The following AFG1L variants were observed in gnomAD, a reference collection of about 807,000 sequenced individuals.
The protein encoded by AFG1L is AFG1 like ATPase, also known as AFG1-like ATPase.
Under a neutral mutation model 62.2 loss-of-function variants are expected in AFG1L, and 53 were observed. That is an observed-to-expected ratio of 0.85 (90% confidence interval 0.68 to 1.07). AFG1L has a LOEUF of 1.07. Ranked by LOEUF, AFG1L falls within the 50% of genes least tolerant of loss-of-function variation. The probability of loss-of-function intolerance (pLI) is 0.00; values close to 1 mark genes in which losing one functional copy is unlikely to be tolerated. For synonymous variants in AFG1L, 228 were observed against 210.3 expected (o/e 1.08, Z -0.73); for missense variants, 555 against 590.5 (o/e 0.94, Z 0.62).
At chr6:108,424,203 T>C (rs778610290) in intron 7 of AFG1L, among the ~76,000 whole-genome samples, 13 of 152,102 alleles carry the variant, frequency 8.5e-5, no homozygotes, top group Non-Finnish European at 1.8e-4. Context: ...CTTAAACCTG[T>C]GTGAGCTCAT....
chr6:108,384,354 G>C, intron 6 of AFG1L, among the ~76,000 whole-genome samples: 1 of 152,162 alleles, frequency 6.6e-6, no homozygotes, highest in East Asian at 1.9e-4. Context: ...ATCTCAGACT[G>C]ACTTCTGAAC....
chr6:108,432,643 C>T lies in AFG1L; in HGVS notation c.808-14571C>T, dbSNP rs115838405. ...AGTTGTCTACCCAAAATTCATTTCA[C>T]TCTCTGCTACTGTGTAGTAGCCATG... is the stretch of plus-strand genomic sequence containing the variant. On this transcript the variant is annotated intron_variant, in intron 7 of 12. Transcript: ENST00000368977. Among the ~76,000 whole-genome samples, 751 of 152,306 alleles carry T rather than the reference C, an allele frequency of 4.9e-3. 3 individuals carry two copies. The highest frequency in any genetic ancestry group is 0.017 in the African/African-American group (726 of 41,554).
intron 10 of AFG1L, among the ~76,000 whole-genome samples, chr6:108,494,445 G>A (rs866640926): frequency 8.7e-5 from 13 of 148,988 alleles, no homozygotes; most frequent in South Asian, 2.1e-4. Flanking sequence ...CCCCCACCCC[G>A]CAAAAAAATA....
intron 2 of AFG1L, among the ~76,000 whole-genome samples, chr6:108,341,850 A>G (rs1778696041): frequency 1.3e-5 from 2 of 152,192 alleles, no homozygotes; most frequent in South Asian, 4.1e-4. Flanking sequence ...GACAAATCTT[A>G]TAACTGGTCA....
At chr6:108,327,004 T>C (rs1778071102) in intron 2 of AFG1L, among the ~76,000 whole-genome samples, 1 of 151,636 alleles carries the variant, frequency 6.6e-6, no homozygotes, top group African/African-American at 2.4e-5. Context: ...CCTAGCACTT[T>C]GGGAGGCCAG....
At chr6:108,498,989 C>T (rs1774080302) in intron 10 of AFG1L, among the ~76,000 whole-genome samples, 1 of 151,678 alleles carries the variant, frequency 6.6e-6, no homozygotes, top group Admixed American at 6.6e-5. Flanking sequence ...TATATATATA[C>T]ATGAAATATT....
rs551646515 is a variant in AFG1L, at chr6:108,469,443, A to G, written c.891-7422A>G. 2.0e-5 allele frequency among the ~76,000 whole-genome samples: 3 copies of G among 152,166 alleles called. No individual in the cohort carries two copies. The East Asian group carries it at 5.8e-4, about 29-fold the overall frequency. On this transcript the variant is annotated intron_variant, in intron 8 of 12. Transcript: ENST00000368977. Reference sequence around the variant, plus strand: ...TCCCTTTTTCTTCATTGTTAAATCTACCCCAGCTGCTAAACTTACTGTTGT... The same window carrying G: ...TCCCTTTTTCTTCATTGTTAAATCTGCCCCAGCTGCTAAACTTACTGTTGT...
intron 1 of AFG1L, among the ~76,000 whole-genome samples, chr6:108,322,072 T>TA (rs1346256219): frequency 6.6e-5 from 10 of 151,890 alleles, no homozygotes; most frequent in Non-Finnish European, 1.0e-4. Context: ...AAATTTTTTT[T>TA]AAATTTGTTA....
chr6:108,512,371 C>A, intron 11 of AFG1L, among the ~76,000 whole-genome samples: 1 of 152,154 alleles, frequency 6.6e-6, no homozygotes, highest in East Asian at 1.9e-4. Context: ...CCGCGGAGCC[C>A]ACACACATGT....
intron 10 of AFG1L, among the ~76,000 whole-genome samples, chr6:108,490,308 C>T (rs911331425): frequency 6.6e-6 from 1 of 152,050 alleles, no homozygotes; most frequent in Non-Finnish European, 1.5e-5. Context: ...TGTAGTGAGC[C>T]GAAATCACGC....
rs566300411 is a variant in AFG1L at position 108,497,761 on chromosome 6, A to G, written c.1063-12451A>G. ...AATTATGCAAAACTAATTCTTAACT[A>G]TAAAAGCTGGATCATATTTTTCTGC... On this transcript the variant is annotated intron_variant, in intron 10 of 12. Coordinates refer to ENST00000368977, the MANE Select transcript of AFG1L (RefSeq NM_145315.5). 1.8e-4 allele frequency among the ~76,000 whole-genome samples: 28 copies of G among 152,306 alleles called. 1 individual carries two copies. In the South Asian group the frequency reaches 5.8e-3, roughly 32 times the overall value.
intron 10 of AFG1L, among the ~76,000 whole-genome samples, chr6:108,496,594 G>C (rs1773983654): frequency 6.6e-6 from 1 of 152,130 alleles, no homozygotes; most frequent in Non-Finnish European, 1.5e-5. Flanking sequence ...GGATGAAATA[G>C]CTGAAAAATA....
intron 8 of AFG1L, among the ~76,000 whole-genome samples, chr6:108,465,770 GTA>G (rs1772641171): frequency 1.3e-5 from 2 of 151,486 alleles, no homozygotes. Flanking sequence ...AATTTTATGT[GTA>G]TCATGACAAT....
At chr6:108,367,714 G>A (rs1779816546) in intron 6 of AFG1L, among the ~76,000 whole-genome samples, 1 of 152,174 alleles carries the variant, frequency 6.6e-6, no homozygotes, top group African/African-American at 2.4e-5. Context: ...GTCTGGGCTG[G>A]AGATATACAT....
chr6:108,448,600 T>A (rs527943600), intron 8 of AFG1L, among the ~76,000 whole-genome samples: 200 of 152,284 alleles, frequency 1.3e-3, no homozygotes, highest in African/African-American at 4.5e-3. Context: ...TGTTTCATAG[T>A]GCCAAAGAGG....
rs867645080 is a variant in AFG1L, at chr6:108,466,774, A to T, written c.891-10091A>T. Among the ~76,000 whole-genome samples the T allele has an allele frequency of 6.9e-3, 1,013 of 147,536 alleles. 7 individuals are homozygous for T. The highest frequency in any genetic ancestry group is 0.023 in the African/African-American group (935 of 40,466). ...ATATTTGTTAAAATATATATATTTTAAAAAATATATATATTTTAAACTATA... is the reference window on the plus strand; with the variant it reads ...ATATTTGTTAAAATATATATATTTTTAAAAATATATATATTTTAAACTATA... On this transcript the variant is annotated intron_variant, in intron 8 of 12. Coordinates refer to ENST00000368977, the MANE Select transcript of AFG1L (RefSeq NM_145315.5).
At chr6:108,348,414 T>G (rs555809153) in intron 3 of AFG1L, among the ~76,000 whole-genome samples, 1 of 152,200 alleles carries the variant, frequency 6.6e-6, no homozygotes, top group African/African-American at 2.4e-5. Flanking sequence ...ATTAAACTGT[T>G]CCTTTCTAAA....
At chr6:108,517,572 C>T (rs556635859) in intron 11 of AFG1L, among the ~76,000 whole-genome samples, 2 of 152,272 alleles carry the variant, frequency 1.3e-5, no homozygotes, top group South Asian at 4.1e-4. Context: ...CTAGGCAATA[C>T]CATTCAGGAC....
intron 6 of AFG1L, among the ~76,000 whole-genome samples, chr6:108,379,301 C>T (rs1266852208): frequency 4.6e-5 from 7 of 152,250 alleles, no homozygotes; most frequent in Non-Finnish European, 8.8e-5. Context: ...TGAGCCACCG[C>T]GCCCGGCTGC....
Sources: gnomAD v4.1 joint callset for allele counts (sites outside exome capture counted in the v4.1 genomes callset) on GRCh38, gnomAD v4.1.1 for gene constraint, MANE v1.5 for transcripts, NCBI Gene and HGNC (gene_info 2026-07-23, HGNC 2026-07-21) for gene names.